The following CDH13 variants were observed in gnomAD, a reference collection of about 807,000 sequenced individuals.
CDH13 encodes the protein cadherin 13, also known as cadherin-13.
Under a neutral mutation model 63.8 loss-of-function variants are expected in CDH13, and 24 were observed. The ratio of observed to expected loss-of-function variants is 0.38; its 90% CI spans 0.27 to 0.53. CDH13 has a LOEUF of 0.53. CDH13 is among the 20% of genes least tolerant of loss of function. The pLI, the probability that CDH13 is intolerant of heterozygous loss-of-function variation, is 0.85. For missense variants in CDH13, 1,049 were observed against 903.1 expected (o/e 1.16, Z -2.07); for synonymous variants, 503 against 355.3 (o/e 1.42, Z -4.67).
intron 5 of CDH13, among the ~76,000 whole-genome samples, chr16:83,227,859 C>G (rs932538601): frequency 2.6e-5 from 4 of 152,174 alleles, no homozygotes; most frequent in Non-Finnish European, 4.4e-5. Context: ...ATCTGGCACC[C>G]AACTTGTGTT....
At chr16:82,868,494 A>G (rs781150597) in intron 2 of CDH13, among the ~76,000 whole-genome samples, 10 of 152,220 alleles carry the variant, frequency 6.6e-5, no homozygotes, top group Non-Finnish European at 1.3e-4. Context: ...ATGTAACAAA[A>G]TGTTTAGAGA....
At chr16:83,157,024 T>G (rs2037234661) in intron 4 of CDH13, among the ~76,000 whole-genome samples, 1 of 152,172 alleles carries the variant, frequency 6.6e-6, no homozygotes, top group Admixed American at 6.5e-5. Flanking sequence ...TATTATATTT[T>G]CCAAATCAAG....
chr16:83,581,634 G>A (rs778602966), intron 7 of CDH13, among the ~76,000 whole-genome samples: 8 of 152,124 alleles, frequency 5.3e-5, no homozygotes, highest in Non-Finnish European at 7.4e-5. Context: ...CCTAGTCAAC[G>A]TGGTGAAATC....
chr16:83,521,795 G>C (rs189048518), intron 7 of CDH13, among the ~76,000 whole-genome samples: 205 of 152,278 alleles, frequency 1.3e-3, no homozygotes, highest in African/African-American at 4.5e-3. Flanking sequence ...GGCTAGTGCT[G>C]GTTCTGCCAC....
chr16:83,317,920 G>A (rs907513371), intron 5 of CDH13, among the ~76,000 whole-genome samples: 2 of 152,112 alleles, frequency 1.3e-5, no homozygotes, highest in South Asian at 4.2e-4. Flanking sequence ...TAAGCAACAG[G>A]GCGGGGACTA....
chr16:83,595,793 A>C (rs1907197155), intron 7 of CDH13, among the ~76,000 whole-genome samples: 1 of 151,438 alleles, frequency 6.6e-6, no homozygotes, highest in Non-Finnish European at 1.5e-5. Flanking sequence ...AACCCAAGGA[A>C]ATAGGATCCA....
At chr16:83,197,606 A>G (rs1258156958) in intron 4 of CDH13, among the ~76,000 whole-genome samples, 5 of 152,132 alleles carry the variant, frequency 3.3e-5, no homozygotes, top group Admixed American at 6.5e-5. Flanking sequence ...CAGAATGTGT[A>G]TCTGTGAGGG....
intron 6 of CDH13, among the ~76,000 whole-genome samples, chr16:83,482,319 T>C (rs1372429966): frequency 6.6e-6 from 1 of 152,180 alleles, no homozygotes; most frequent in African/African-American, 2.4e-5. Context: ...TCTAGGACCA[T>C]GTGGCCCATC....
chr16:83,610,610 T>A (rs534366322), intron 8 of CDH13, among the ~76,000 whole-genome samples: 1 of 152,348 alleles, frequency 6.6e-6, no homozygotes, highest in Admixed American at 6.5e-5. Context: ...GTGTGGACCC[T>A]TGGGACTAAC....
At chr16:83,497,225 G>A (rs574996248) in intron 7 of CDH13, among the ~76,000 whole-genome samples, 239 of 151,820 alleles carry the variant, frequency 1.6e-3, no homozygotes, top group African/African-American at 5.7e-3. Flanking sequence ...TGTTTATTGC[G>A]GCACTATTCA....
chr16:82,752,065 T>C (rs2034439014), intron 1 of CDH13, among the ~76,000 whole-genome samples: 1 of 152,246 alleles, frequency 6.6e-6, no homozygotes, highest in African/African-American at 2.4e-5. Context: ...AGATGATAGC[T>C]GAAATTAACA....
rs558169116 is a variant in CDH13 at position 83,493,622 on chromosome 16, C to T, written c.960+6967C>T. Among the ~76,000 whole-genome samples the T allele has an allele frequency of 4.6e-4, 70 of 152,280 alleles. No homozygotes were observed. The Middle Eastern group carries it at 0.014, about 30-fold the overall frequency. The stretch of plus-strand genomic sequence containing the variant: ...GGCATATTCACATGCTACTTAAAGA[C>T]TCCAGAGATGAGGCTGTGGTATAGA... On this transcript the variant is annotated intron_variant, in intron 7 of 13. Transcript: ENST00000567109.
At chr16:83,324,657 A>G (rs928668475) in intron 5 of CDH13, among the ~76,000 whole-genome samples, 1 of 152,204 alleles carries the variant, frequency 6.6e-6, no homozygotes, top group African/African-American at 2.4e-5. Flanking sequence ...ACTGATGGAC[A>G]GTTGGGTTGT....
intron 4 of CDH13, among the ~76,000 whole-genome samples, chr16:83,129,232 T>A (rs1432046002): frequency 6.6e-6 from 1 of 152,000 alleles, no homozygotes; most frequent in Non-Finnish European, 1.5e-5. Context: ...ACCACCACGC[T>A]CCCAAAAAAT....
At chr16:82,655,685 C>T (rs1056520162) in intron 1 of CDH13, among the ~76,000 whole-genome samples, 5 of 152,302 alleles carry the variant, frequency 3.3e-5, no homozygotes, top group Middle Eastern at 3.4e-3. Context: ...AGCTTACCTC[C>T]TCCACAGGCT....
chr16:83,375,978 A>G (rs1467781155), intron 6 of CDH13, among the ~76,000 whole-genome samples: 2 of 152,144 alleles, frequency 1.3e-5, no homozygotes, highest in Non-Finnish European at 2.9e-5. Flanking sequence ...AGGGAAAAAA[A>G]ATTGCATCAG....
chr16:83,174,766 A>T (rs922854180), intron 4 of CDH13, among the ~76,000 whole-genome samples: 6 of 152,154 alleles, frequency 3.9e-5, no homozygotes, highest in African/African-American at 1.4e-4. Flanking sequence ...ATGGTTGGGG[A>T]GGCCTTAGGA....
intron 8 of CDH13, among the ~76,000 whole-genome samples, chr16:83,613,830 C>G (rs1909061812): frequency 7.0e-6 from 1 of 143,098 alleles, no homozygotes; most frequent in South Asian, 2.2e-4. Context: ...GAGAGTCTGC[C>G]TCAAAAAAAA....
intron 5 of CDH13, among the ~76,000 whole-genome samples, chr16:83,273,460 T>C (rs556955172): frequency 2.0e-5 from 3 of 152,076 alleles, no homozygotes; most frequent in Admixed American, 2.0e-4. Context: ...GCATTTGCTT[T>C]TTTCTTCCTG....
Sources: allele counts gnomAD v4.1 joint callset (sites outside exome capture counted in the v4.1 genomes callset), GRCh38; gene constraint gnomAD v4.1.1; transcripts MANE v1.5; gene names NCBI Gene and HGNC (gene_info 2026-07-23, HGNC 2026-07-21).